PRKCQ: variants seen among roughly 807,000 people sequenced by gnomAD.
PRKCQ encodes protein kinase C theta type.
A neutral mutation model predicts 91.2 loss-of-function variants in PRKCQ; 41 were observed. That is an observed-to-expected ratio of 0.45 (90% CI 0.35 to 0.58). The LOEUF is 0.58. Ranked by LOEUF, PRKCQ falls within the 20% of genes least tolerant of loss-of-function variation. The pLI, the probability that PRKCQ is intolerant of heterozygous loss-of-function variation, is 0.00. For missense variants in PRKCQ, 673 were observed against 896.5 expected, an observed-to-expected ratio of 0.75 and a Z score of 3.18; for synonymous variants, 307 against 316.9, an observed-to-expected ratio of 0.97 and a Z score of 0.33.
At position 6,565,762 on chromosome 10, in the gene PRKCQ, A is replaced by G. The variant is rs566683444; in HGVS notation, c.-10+14449T>C. On this transcript the variant is annotated intron_variant, in intron 1 of 17. Transcript: ENST00000263125. The stretch of plus-strand genomic sequence containing the variant: ...CAAATATTTCAGCTGCCTCTGCTTC[A>G]GAACTTGGAATTATGCAAGTTACTT... 5.9e-5 allele frequency among the ~76,000 whole-genome samples: 9 copies of G among 152,334 alleles called. No homozygotes were observed. The East Asian group carries it at 1.3e-3, about 23-fold the overall frequency.
rs190990185 is a variant in PRKCQ at position 6,552,401 on chromosome 10, G to C, written c.-10+27810C>G. ...TGCCTCCAAGATTCAGGCTCAGTGC[G>C]TGCAGTCTCCATTCATTCATTCTCA... is the stretch of plus-strand genomic sequence containing the variant. On this transcript the variant is annotated intron_variant, in intron 1 of 17. Transcript: ENST00000263125. 1.8e-4 allele frequency among the ~76,000 whole-genome samples: 28 copies of C among 151,450 alleles called. No homozygotes were observed. In the East Asian group the frequency reaches 4.5e-3, roughly 24 times the overall value.
At position 6,433,099 on chromosome 10, in the gene PRKCQ, T is replaced by G. The variant is rs535235990; in HGVS notation, c.1837-2161A>C. On this transcript the variant is annotated intron_variant, in intron 16 of 17. Transcript: ENST00000263125. ...TTCTTACGACTGATACATCATCCAC[T>G]CCAACCAATGTTCTTTGAGAGGCAG... 2.6e-5 allele frequency among the ~76,000 whole-genome samples: 4 copies of G among 152,316 alleles called. No homozygotes were observed. In the South Asian group the frequency reaches 8.3e-4, roughly 32 times the overall value.
chr10:6,478,914 C>T (rs867183474), intron 12 of PRKCQ, 78 bp downstream of exon 12: 2 of 1,512,732 alleles, frequency 1.3e-6, no homozygotes, highest in Admixed American at 2.0e-5. Flanking sequence ...ACTCGTGTCT[C>T]CTAATGAGGG....
intron 1 of PRKCQ, among the ~76,000 whole-genome samples, chr10:6,567,427 A>G (rs1418277514): frequency 1.3e-5 from 2 of 152,268 alleles, no homozygotes; most frequent in Admixed American, 1.3e-4. Flanking sequence ...TGGGGCCAGA[A>G]TGCACAAGGT....
At chr10:6,481,072 G>A (rs2130771276) in intron 11 of PRKCQ, among the ~76,000 whole-genome samples, 1 of 152,336 alleles carries the variant, frequency 6.6e-6, no homozygotes, top group Non-Finnish European at 1.5e-5. Context: ...CAGCCATCCT[G>A]TCTTGCTTTG....
chr10:6,508,156 A>T (rs1371006316), intron 3 of PRKCQ, among the ~76,000 whole-genome samples: 1 of 152,258 alleles, frequency 6.6e-6, no homozygotes, highest in African/African-American at 2.4e-5. Flanking sequence ...ACAAAGTGTC[A>T]TTTTAAGGGA....
intron 1 of PRKCQ, among the ~76,000 whole-genome samples, chr10:6,562,351 C>A (rs1840667550): frequency 6.6e-6 from 1 of 152,152 alleles, no homozygotes; most frequent in Non-Finnish European, 1.5e-5. Flanking sequence ...CCAAATCTCT[C>A]TAAACACCAG....
intron 15 of PRKCQ, among the ~76,000 whole-genome samples, chr10:6,451,740 G>A (rs1220858067): frequency 6.6e-6 from 1 of 151,974 alleles, no homozygotes; most frequent in African/African-American, 2.4e-5. Context: ...TGATCAAATG[G>A]GCTTCATCCC....
At chr10:6,579,724 G>C (rs866370196) in intron 1 of PRKCQ, among the ~76,000 whole-genome samples, 4 of 145,382 alleles carry the variant, frequency 2.8e-5, no homozygotes, top group African/African-American at 1.0e-4. Context: ...AACTTGGCTT[G>C]TTTAGAAGCC....
rs1230503721 is a variant in PRKCQ at position 6,479,794 on chromosome 10, AATC to A, written c.1180-632_1180-630del. On this transcript the variant is annotated intron_variant, in intron 11 of 17. Coordinates refer to ENST00000263125, the MANE Select transcript of PRKCQ (RefSeq NM_006257.5). Reference sequence around the variant, plus strand: ...AAAAAAAAAAAAAAAAAAAAAAAAAAATCCAAAAATTAGCCGGGCATGGTGGTG... The same window carrying A: ...AAAAAAAAAAAAAAAAAAAAAAAAAACAAAAATTAGCCGGGCATGGTGGTG... 2.5e-3 allele frequency among the ~76,000 whole-genome samples: 371 copies of A among 147,294 alleles called. 28 individuals carry two copies. Among genetic ancestry groups the A allele is most frequent in the Admixed American group, 0.023 (338 of 14,494 alleles).
intron 1 of PRKCQ, among the ~76,000 whole-genome samples, chr10:6,539,832 G>A (rs1056093851): frequency 1.3e-5 from 2 of 152,158 alleles, no homozygotes; most frequent in African/African-American, 4.8e-5. Flanking sequence ...TGAACACTCA[G>A]TTGTGCATTT....
intron 1 of PRKCQ, among the ~76,000 whole-genome samples, chr10:6,541,239 T>C (rs1159184158): frequency 2.0e-5 from 3 of 152,358 alleles, no homozygotes; most frequent in East Asian, 3.9e-4. Context: ...CCAGTTAAGC[T>C]GTTGACTCTG....
intron 12 of PRKCQ, among the ~76,000 whole-genome samples, chr10:6,467,357 C>CAGAGAGAGAG: frequency 1.5e-5 from 1 of 66,988 alleles, no homozygotes; most frequent in Non-Finnish European, 2.8e-5. Flanking sequence ...GAGAGAGAGA[C>CAGAGAGAGAG]AGAGAGAGAG....
At chr10:6,551,558 G>A (rs1335111594) in intron 1 of PRKCQ, among the ~76,000 whole-genome samples, 2 of 151,672 alleles carry the variant, frequency 1.3e-5, no homozygotes, top group Non-Finnish European at 2.9e-5. Flanking sequence ...CACCACACCC[G>A]GCTAATATTT....
At position 6,485,226 on chromosome 10, in the gene PRKCQ, G is replaced by T; in HGVS notation, c.944C>A (p.Pro315Gln). ...GGAGCATGGGAGACCAATTTCAACC[G>T]GACCTTCTCTGAAGATCTGTTCAGT... is the stretch of plus-strand genomic sequence containing the variant. ...RDTEQIFREG[P>Q]VEIGLPCSIK... is the part of the protein sequence containing the mutation. Residue 315 changes from proline (P) to glutamine (Q), a missense_variant, in exon 10 of 18, where the codon CCG becomes CAG. By Grantham distance (76) the Pro-to-Gln change is moderately conservative. Transcript: ENST00000263125. 1.9e-6 allele frequency: 3 copies of T among 1,613,968 alleles called. No homozygotes were observed. Among genetic ancestry groups the T allele is most frequent in the Non-Finnish European group, 2.5e-6 (3 of 1,179,970 alleles).
chr10:6,488,094 TAG>T (rs1479992324), intron 8 of PRKCQ, among the ~76,000 whole-genome samples: 1 of 150,580 alleles, frequency 6.6e-6, no homozygotes, highest in African/African-American at 2.4e-5. Flanking sequence ...AGTCTGTGAG[TAG>T]AGAGTGTTGT....
chr10:6,457,427 G>T lies in PRKCQ; in HGVS notation c.1509-615C>A, dbSNP rs188289319. On this transcript the variant is annotated intron_variant, in intron 14 of 17. Transcript: ENST00000263125. ...TATTGGTCCAAGGGGGCTTTCTATT[G>T]TTACCATATGTGACACCCCAAATAT... is the stretch of plus-strand genomic sequence containing the variant. 1.5e-3 allele frequency among the ~76,000 whole-genome samples: 229 copies of T among 152,192 alleles called. 1 individual carries two copies. The highest frequency in any genetic ancestry group is 5.3e-3 in the African/African-American group (221 of 41,542).
intron 9 of PRKCQ, 149 bp downstream of exon 9, chr10:6,485,886 G>T (rs1836885212): frequency 1.3e-5 from 8 of 615,468 alleles, no homozygotes; most frequent in Non-Finnish European, 2.3e-5. Flanking sequence ...GGGGGTGTGG[G>T]CATGGATATG....
intron 1 of PRKCQ, among the ~76,000 whole-genome samples, chr10:6,540,207 A>G (rs1839725350): frequency 6.6e-6 from 1 of 152,186 alleles, no homozygotes; most frequent in Non-Finnish European, 1.5e-5. Flanking sequence ...TCTATGTTTA[A>G]TAACCTTTTT....
Sources: gnomAD v4.1 joint callset for allele counts (sites outside exome capture counted in the v4.1 genomes callset) on GRCh38, gnomAD v4.1.1 for gene constraint, MANE v1.5 for transcripts, NCBI Gene and HGNC (gene_info 2026-07-23, HGNC 2026-07-21) for gene names.